The following MYO3B variants were observed in gnomAD, a reference collection of about 807,000 sequenced individuals.
The protein encoded by MYO3B is myosin-IIIb.
Under a neutral mutation model 174.6 loss-of-function variants are expected in MYO3B, and 156 were observed. That is an observed-to-expected ratio of 0.89 (90% CI 0.78 to 1.02). The LOEUF is 1.02. MYO3B is among the 50% of genes least tolerant of loss of function. MYO3B has a pLI of 0.00. For synonymous variants in MYO3B, 563 were observed against 569.1 expected, an observed-to-expected ratio of 0.99 and a Z score of 0.15; for missense variants, 1,632 against 1,639.4, an observed-to-expected ratio of 1.00 and a Z score of 0.08.
chr2:170,645,097 T>G lies in MYO3B; in HGVS notation c.3734-6531T>G, dbSNP rs76047114. ...AAAGTGGGGAGTTTGGTTTGTCTCATGGGCATCTATGCGAGGTAGAAATAA... is the reference window on the plus strand; with the variant it reads ...AAAGTGGGGAGTTTGGTTTGTCTCAGGGGCATCTATGCGAGGTAGAAATAA... On this transcript the variant is annotated intron_variant, in intron 32 of 34. Transcript: ENST00000408978. Among the ~76,000 whole-genome samples the G allele has an allele frequency of 3.6e-3, 544 of 152,290 alleles. 3 individuals carry two copies. Among genetic ancestry groups the G allele is most frequent in the Non-Finnish European group, 5.5e-3 (371 of 68,034 alleles).
chr2:170,522,770 T>C (rs1172431312), intron 30 of MYO3B, among the ~76,000 whole-genome samples: 1 of 152,210 alleles, frequency 6.6e-6, no homozygotes, highest in African/African-American at 2.4e-5. Flanking sequence ...TCTGTTCAGC[T>C]CTTACCTTTT....
intron 7 of MYO3B, among the ~76,000 whole-genome samples, chr2:170,323,054 A>G (rs1001983359): frequency 5.3e-5 from 8 of 151,754 alleles, no homozygotes; most frequent in Non-Finnish European, 1.5e-5. Context: ...TTTGTTGAGG[A>G]AAAAAAAATC....
At chr2:170,505,167 G>A (rs911320525) in intron 28 of MYO3B, among the ~76,000 whole-genome samples, 4 of 152,022 alleles carry the variant, frequency 2.6e-5, no homozygotes, top group African/African-American at 9.7e-5. Context: ...TCAATAAAGG[G>A]CCTTTATGAG....
At chr2:170,560,260 G>C (rs1691617703) in intron 32 of MYO3B, among the ~76,000 whole-genome samples, 1 of 152,216 alleles carries the variant, frequency 6.6e-6, no homozygotes, top group South Asian at 2.1e-4. Flanking sequence ...AATCTTTACT[G>C]CATTTGAGTG....
chr2:170,627,184 A>G (rs1225163318), intron 32 of MYO3B, among the ~76,000 whole-genome samples: 1 of 152,238 alleles, frequency 6.6e-6, no homozygotes, highest in Non-Finnish European at 1.5e-5. Flanking sequence ...CACTTCAGGT[A>G]CACCAATCAG....
intron 32 of MYO3B, among the ~76,000 whole-genome samples, chr2:170,599,419 A>G (rs1363370746): frequency 6.6e-6 from 1 of 152,236 alleles, no homozygotes; most frequent in Non-Finnish European, 1.5e-5. Flanking sequence ...GTTGTCAAAT[A>G]TAGCTGTTAC....
At chr2:170,457,590 A>G (rs930882659) in intron 23 of MYO3B, among the ~76,000 whole-genome samples, 1 of 152,176 alleles carries the variant, frequency 6.6e-6, no homozygotes, top group Admixed American at 6.5e-5. Flanking sequence ...TACTAATGCC[A>G]CATCTTGTCC....
In MYO3B at chr2:170,498,238, A is replaced by G. The variant is rs1463820043; in HGVS notation, c.3015-354A>G. 2.6e-5 allele frequency among the ~76,000 whole-genome samples: 4 copies of G among 152,328 alleles called. No individual in the cohort carries two copies. The East Asian group carries it at 7.7e-4, about 29-fold the overall frequency. ...ATATACAATGGAATTTATTTTTTAT[A>G]GTAGTAATACTAATATTTAGGAGTA... On this transcript the variant is annotated intron_variant, in intron 25 of 34. Transcript: ENST00000408978.
intron 7 of MYO3B, among the ~76,000 whole-genome samples, chr2:170,266,755 A>G (rs2093386891): frequency 6.6e-6 from 1 of 152,236 alleles, no homozygotes; most frequent in African/African-American, 2.4e-5. Flanking sequence ...AAACAGCCCC[A>G]TGTCATTTCT....
intron 23 of MYO3B, among the ~76,000 whole-genome samples, chr2:170,453,627 G>A (rs947991429): frequency 6.6e-6 from 1 of 152,076 alleles, no homozygotes; most frequent in African/African-American, 2.4e-5. Context: ...CATAGCTGTG[G>A]GGACCAAGCC....
At chr2:170,577,017 C>A (rs1692827427) in intron 32 of MYO3B, among the ~76,000 whole-genome samples, 1 of 152,170 alleles carries the variant, frequency 6.6e-6, no homozygotes, top group South Asian at 2.1e-4. Flanking sequence ...ATCAATACAT[C>A]CAACAGAGTA....
At chr2:170,452,358 T>C (rs1250722692) in intron 23 of MYO3B, among the ~76,000 whole-genome samples, 1 of 152,182 alleles carries the variant, frequency 6.6e-6, no homozygotes, top group Non-Finnish European at 1.5e-5. Context: ...GAGTCCAGGC[T>C]TTTGAAATTC....
intron 6 of MYO3B, among the ~76,000 whole-genome samples, chr2:170,226,530 C>T (rs1196815864): frequency 6.6e-6 from 1 of 152,266 alleles, no homozygotes; most frequent in South Asian, 2.1e-4. Context: ...TGGATGCAGC[C>T]CCAGGTTTTC....
At chr2:170,649,849 T>A (rs1698865761) in intron 32 of MYO3B, 1 of 63,596 alleles carries the variant, frequency 1.6e-5, no homozygotes, top group Non-Finnish European at 2.7e-5. Context: ...GACCATATGC[T>A]ATAGTGTAAA....
chr2:170,584,765 T>G (rs376860747), intron 32 of MYO3B, among the ~76,000 whole-genome samples: 14 of 152,354 alleles, frequency 9.2e-5, no homozygotes, highest in African/African-American at 3.1e-4. Flanking sequence ...ACTTAGAATT[T>G]CCAACATTGC....
intron 7 of MYO3B, among the ~76,000 whole-genome samples, chr2:170,262,818 A>G (rs563082928): frequency 6.6e-6 from 1 of 152,148 alleles, no homozygotes; most frequent in Non-Finnish European, 1.5e-5. Context: ...GTATTTGGTT[A>G]TCTCTCTCCC....
intron 22 of MYO3B, among the ~76,000 whole-genome samples, chr2:170,439,015 C>G (rs1011745857): frequency 6.6e-6 from 1 of 151,594 alleles, no homozygotes; most frequent in Non-Finnish European, 1.5e-5. Flanking sequence ...TCTTCATATA[C>G]CGGTTAGCCA....
intron 25 of MYO3B, among the ~76,000 whole-genome samples, chr2:170,479,817 C>T (rs1685566918): frequency 6.8e-6 from 1 of 147,756 alleles, no homozygotes; most frequent in Admixed American, 6.8e-5. Context: ...TACATATACA[C>T]ATATATAGGT....
At chr2:170,478,315 T>TA (rs1685437300) in intron 25 of MYO3B, among the ~76,000 whole-genome samples, 1 of 152,128 alleles carries the variant, frequency 6.6e-6, no homozygotes, top group Non-Finnish European at 1.5e-5. Flanking sequence ...ATCTAATATT[T>TA]ATTAATTGAA....
Sources: gnomAD v4.1 joint callset for allele counts (sites outside exome capture counted in the v4.1 genomes callset) on GRCh38, gnomAD v4.1.1 for gene constraint, MANE v1.5 for transcripts, NCBI Gene and HGNC (gene_info 2026-07-23, HGNC 2026-07-21) for gene names.